The following VAT1L variants were observed in gnomAD, a reference collection of about 807,000 sequenced individuals.
The protein encoded by VAT1L is vesicle amine transport 1 like.
VAT1L carries 34 observed loss-of-function variants against 44.1 expected under a neutral mutation model. The ratio of observed to expected loss-of-function variants is 0.77; its 90% CI spans 0.59 to 1.03. The LOEUF (loss-of-function observed/expected upper bound fraction) is 1.03. VAT1L is among the 50% of genes least tolerant of loss of function. VAT1L has a pLI of 0.00. For synonymous variants in VAT1L, 253 were observed against 202.2 expected, an observed-to-expected ratio of 1.25 and a Z score of -2.13; for missense variants, 615 against 538.8, an observed-to-expected ratio of 1.14 and a Z score of -1.40.
At chr16:77,818,735 A>G (rs982543971) in intron 2 of VAT1L, among the ~76,000 whole-genome samples, 1 of 151,866 alleles carries the variant, frequency 6.6e-6, no homozygotes, top group African/African-American at 2.4e-5. Context: ...CACCCATTAA[A>G]CTCTCTCCCT....
chr16:77,909,706 G>C (rs868575341), intron 7 of VAT1L, among the ~76,000 whole-genome samples: 2 of 150,780 alleles, frequency 1.3e-5, no homozygotes, highest in African/African-American at 4.9e-5. Flanking sequence ...GTATCTTTTC[G>C]TGCAATCTAC....
At chr16:77,808,497 AT>A (rs1472423028) in intron 1 of VAT1L, among the ~76,000 whole-genome samples, 6 of 152,142 alleles carry the variant, frequency 3.9e-5, no homozygotes, top group Non-Finnish European at 8.8e-5. Context: ...TGGAAAAAAA[AT>A]GTCTTCCATT....
intron 3 of VAT1L, among the ~76,000 whole-genome samples, chr16:77,826,077 G>A (rs894255241): frequency 3.4e-5 from 5 of 147,142 alleles, no homozygotes; most frequent in African/African-American, 2.5e-5. Flanking sequence ...CGTAGTGGCG[G>A]GCGCCTGTAG....
chr16:77,820,297 T>C (rs1435127591), intron 2 of VAT1L, among the ~76,000 whole-genome samples: 1 of 152,098 alleles, frequency 6.6e-6, no homozygotes, highest in African/African-American at 2.4e-5. Context: ...TCTACAAATA[T>C]ATTAGAACTA....
At chr16:77,885,821 T>G (rs1305807594) in intron 7 of VAT1L, among the ~76,000 whole-genome samples, 1 of 152,162 alleles carries the variant, frequency 6.6e-6, no homozygotes, top group Non-Finnish European at 1.5e-5. Flanking sequence ...CCAAATCCAA[T>G]GGCTTCTCTA....
At chr16:77,793,534 G>C (rs775658923) in intron 1 of VAT1L, among the ~76,000 whole-genome samples, 9 of 152,196 alleles carry the variant, frequency 5.9e-5, no homozygotes, top group Non-Finnish European at 1.0e-4. Flanking sequence ...GGGGCTGCTA[G>C]GATTTTAGGC....
At chr16:77,945,278 C>CTGTTTTTTTTTTTTTTTT (rs2017946530) in intron 7 of VAT1L, among the ~76,000 whole-genome samples, 1 of 83,030 alleles carries the variant, frequency 1.2e-5, no homozygotes, top group East Asian at 4.4e-4. Flanking sequence ...GATTGCAGAA[C>CTGTTTTTTTTTTTTTTTT]TTTTTTTTTT....
intron 7 of VAT1L, among the ~76,000 whole-genome samples, chr16:77,952,414 A>T (rs1284505758): frequency 9.2e-5 from 14 of 151,946 alleles, no homozygotes; most frequent in Non-Finnish European, 1.5e-5. Flanking sequence ...TTCACACCAG[A>T]CCTGGTAGTT....
chr16:77,936,871 C>CT (rs1555520811), intron 7 of VAT1L, among the ~76,000 whole-genome samples: 210 of 150,622 alleles, frequency 1.4e-3, no homozygotes, highest in African/African-American at 3.5e-3. Flanking sequence ...TGTTTGGTTT[C>CT]TTGTTTGTTT....
intron 3 of VAT1L, among the ~76,000 whole-genome samples, chr16:77,852,266 A>G (rs552190986): frequency 6.6e-6 from 1 of 152,172 alleles, no homozygotes; most frequent in Non-Finnish European, 1.5e-5. Flanking sequence ...GCCCGGGCTC[A>G]TGGAGCCACC....
chr16:77,899,140 A>G (rs2017355032), intron 7 of VAT1L, among the ~76,000 whole-genome samples: 1 of 151,516 alleles, frequency 6.6e-6, no homozygotes, highest in African/African-American at 2.4e-5. Context: ...TAGGGAAAGA[A>G]CTATTATTGC....
intron 7 of VAT1L, among the ~76,000 whole-genome samples, chr16:77,921,765 A>C (rs552234282): frequency 2.0e-5 from 3 of 152,198 alleles, no homozygotes; most frequent in African/African-American, 7.2e-5. Context: ...TCTTTTTGAG[A>C]CAGGATCTCA....
intron 7 of VAT1L, among the ~76,000 whole-genome samples, chr16:77,897,532 G>A (rs1426385176): frequency 6.6e-6 from 1 of 152,182 alleles, no homozygotes; most frequent in African/African-American, 2.4e-5. Context: ...GTGGAATGGT[G>A]CAATCTCGGC....
chr16:77,946,146 G>A (rs2142517908), intron 7 of VAT1L, among the ~76,000 whole-genome samples: 1 of 152,016 alleles, frequency 6.6e-6, no homozygotes, highest in Non-Finnish European at 1.5e-5. Context: ...AAAAAAATTT[G>A]TGGACTGCCT....
At chr16:77,844,628 C>T (rs1039099499) in intron 3 of VAT1L, among the ~76,000 whole-genome samples, 3 of 151,796 alleles carry the variant, frequency 2.0e-5, no homozygotes, top group African/African-American at 7.3e-5. Context: ...GAGCTGGTCT[C>T]AAACTCCTGA....
In VAT1L at chr16:77,831,703, T is replaced by C. The variant is rs146364932; in HGVS notation, c.579+6242T>C. ...ATGAGAAATACACACAAAATGTGGT[T>C]TCCTGGACTGAAAAGGGCCATTAAT... On this transcript the variant is annotated intron_variant, in intron 3 of 8. Transcript: ENST00000302536. 2.0e-5 allele frequency among the ~76,000 whole-genome samples: 3 copies of C among 152,352 alleles called. No individual in the cohort carries two copies. In the East Asian group the frequency reaches 5.8e-4, roughly 29 times the overall value.
intron 7 of VAT1L, among the ~76,000 whole-genome samples, chr16:77,905,773 T>A (rs2017430542): frequency 6.6e-6 from 1 of 152,182 alleles, no homozygotes; most frequent in African/African-American, 2.4e-5. Context: ...CTCTGAAGCG[T>A]TTATAAGCTT....
chr16:77,945,243 G>A (rs1257712955), intron 7 of VAT1L, among the ~76,000 whole-genome samples: 2 of 148,676 alleles, frequency 1.3e-5, no homozygotes, highest in Non-Finnish European at 3.0e-5. Context: ...TGAGGCCACT[G>A]ACTCACTTGG....
At chr16:77,799,504 G>GGTGTGT (rs10525414) in intron 1 of VAT1L, among the ~76,000 whole-genome samples, 267 of 140,976 alleles carry the variant, frequency 1.9e-3, no homozygotes, top group Middle Eastern at 7.1e-3. Flanking sequence ...TGGAATACAT[G>GGTGTGT]GTGTGTGTGT....
Sources: allele counts gnomAD v4.1 joint callset (sites outside exome capture counted in the v4.1 genomes callset), GRCh38; gene constraint gnomAD v4.1.1; transcripts MANE v1.5; gene names NCBI Gene and HGNC (gene_info 2026-07-23, HGNC 2026-07-21).